The following SBNO2 variants were observed in gnomAD, a reference collection of about 807,000 sequenced individuals.
SBNO2 encodes the protein strawberry notch homolog 2.
In SBNO2, 89 loss-of-function variants were observed where a neutral mutation model predicts 146.3. That is an observed-to-expected ratio of 0.61 (90% CI 0.51 to 0.73). The LOEUF (loss-of-function observed/expected upper bound fraction) is 0.73, where lower values mean the gene tolerates loss of function less well. Among genes scored for constraint, SBNO2 ranks in the 30% least tolerant of loss-of-function variants. The pLI is 0.00. For synonymous variants in SBNO2, 1,147 were observed against 892.6 expected, an observed-to-expected ratio of 1.29 and a Z score of -5.08; for missense variants, 2,092 against 2,003.7, an observed-to-expected ratio of 1.04 and a Z score of -0.84.
intron 5 of SBNO2, among the ~76,000 whole-genome samples, chr19:1,127,004 C>A (rs955124277): frequency 1.3e-5 from 2 of 152,190 alleles, no homozygotes; most frequent in Non-Finnish European, 2.9e-5. Context: ...CAAACCCCAG[C>A]CCCTCAGCCC....
rs901414346 is a variant in SBNO2 at position 1,126,380 on chromosome 19, G to A, written c.441+1224C>T. Among the ~76,000 whole-genome samples, 5 of 152,168 alleles carry A rather than the reference G, an allele frequency of 3.3e-5. No homozygotes were observed. Among genetic ancestry groups the A allele is most frequent in the East Asian group, 1.9e-4 (1 of 5,176 alleles). On this transcript the variant is annotated intron_variant, in intron 5 of 31. Coordinates refer to ENST00000361757, the MANE Select transcript of SBNO2 (RefSeq NM_014963.3). This position sits in a 1 kb window ranked among gnomAD's most constrained non-coding sequence, Gnocchi z 4.4. Reference sequence around the variant, plus strand: ...CGGGCATTGGGTTTCAGATGCCCTCGTGCCGGCCACAGCAGGCCGGTCAGG... The same window carrying A: ...CGGGCATTGGGTTTCAGATGCCCTCATGCCGGCCACAGCAGGCCGGTCAGG...
rs1030632040 is a variant in SBNO2, at chr19:1,140,538, C to T, written c.279+6771G>A. On this transcript the variant is annotated intron_variant, in intron 4 of 31. Coordinates refer to ENST00000361757, the MANE Select transcript of SBNO2 (RefSeq NM_014963.3). The surrounding 1 kb of genome is among the most constrained non-coding windows in gnomAD (Gnocchi z 4.4). The stretch of plus-strand genomic sequence containing the variant: ...CGGGCAAGGCACACACGTGACACCG[C>T]GGGAGCCCCGCAGCCCACGGTGGAT... Among the ~76,000 whole-genome samples the T allele has an allele frequency of 1.2e-4, 18 of 151,880 alleles. No homozygotes were observed. The highest frequency in any genetic ancestry group is 4.2e-4 in the South Asian group (2 of 4,816).
intron 13 of SBNO2, 150 bp from the exon 14 acceptor site, chr19:1,119,314 G>C: frequency 9.2e-7 from 1 of 1,085,652 alleles, no homozygotes; most frequent in Non-Finnish European, 1.3e-6. Flanking sequence ...TGAGCCTGGC[G>C]GGGACGGGGC....
chr19:1,119,850 A>G, intron 12 of SBNO2, 56 bp downstream of exon 12: 1 of 1,355,028 alleles, frequency 7.4e-7, no homozygotes, highest in Non-Finnish European at 1.0e-6. Flanking sequence ...TCGCGGGGAC[A>G]GCCAGGCAGA....
Position 1,115,993 on chromosome 19 carries a change from G to A in SBNO2, c.1885+28C>T, listed in dbSNP as rs745770456. 3.2e-6 allele frequency: 5 copies of A among 1,568,796 alleles called. No individual in the cohort carries two copies. The African/African-American group carries it at 5.4e-5, about 17-fold the overall frequency. ...GGGGAGAAAGCAGAGGGGCAGGGGT[G>A]GGTGGGGCCATGGGGGGCAGGGCTT... On this transcript the variant is annotated intron_variant, in intron 17 of 31. Coordinates refer to ENST00000361757, the MANE Select transcript of SBNO2 (RefSeq NM_014963.3).
chr19:1,159,175 G>A (rs1009193697), intron 1 of SBNO2, among the ~76,000 whole-genome samples: 14 of 150,590 alleles, frequency 9.3e-5, no homozygotes, highest in Non-Finnish European at 1.6e-4. Flanking sequence ...CGCACAACTC[G>A]CATCCTAGGA....
intron 11 of SBNO2, 147 bp from the exon 12 acceptor site, chr19:1,120,170 G>C (rs2079883437): frequency 1.5e-6 from 1 of 645,536 alleles, no homozygotes; most frequent in Non-Finnish European, 2.7e-6. Flanking sequence ...AGGTCGGAGT[G>C]GCAGCCGGCT....
chr19:1,164,954 CAGG>C (rs1360014811), intron 1 of SBNO2, among the ~76,000 whole-genome samples: 2 of 49,778 alleles, frequency 4.0e-5, no homozygotes, highest in African/African-American at 8.1e-5. Flanking sequence ...GGAGGAGGAA[CAGG>C]AGGAGGAGGA....
At chr19:1,159,643 TG>T (rs1278356168) in intron 1 of SBNO2, among the ~76,000 whole-genome samples, 1 of 17,438 alleles carries the variant, frequency 5.7e-5, no homozygotes, top group Admixed American at 8.6e-4. Context: ...CGGGGGATGG[TG>T]GGGGGACAGC....
intron 3 of SBNO2, 83 bp downstream of exon 3, chr19:1,149,286 C>T (rs956037702): frequency 6.0e-6 from 8 of 1,330,348 alleles, no homozygotes; most frequent in Non-Finnish European, 8.4e-6. Flanking sequence ...GGCCCTCGCG[C>T]CCTGCACCCA....
Position 1,147,307 on chromosome 19 carries a change from A to G in SBNO2, c.279+2T>C. On this transcript the variant is annotated splice_donor_variant, in intron 4 of 31. Transcript: ENST00000361757. LOFTEE classifies it high-confidence loss of function. Reference sequence around the variant, plus strand: ...GGCGCGGTGAGCTCCTGGGGCTCCTACCTGAGCAAAGTCGCAGGTCTTTGG... The same window carrying G: ...GGCGCGGTGAGCTCCTGGGGCTCCTGCCTGAGCAAAGTCGCAGGTCTTTGG... 6.3e-7 allele frequency: 1 copy of G among 1,576,076 alleles called. No homozygotes were observed. Among genetic ancestry groups the G allele is most frequent in the Non-Finnish European group, 8.6e-7 (1 of 1,161,848 alleles).
chr19:1,170,369 G>A (rs2080465886), intron 1 of SBNO2, among the ~76,000 whole-genome samples: 1 of 152,200 alleles, frequency 6.6e-6, no homozygotes, highest in Non-Finnish European at 1.5e-5. Flanking sequence ...CGAGGGTGCA[G>A]GTGCCGGCCA....
Position 1,117,337 on chromosome 19 carries a change from G to T in SBNO2, c.1690C>A (p.Leu564Met). The T allele has an allele frequency of 1.3e-6, 2 of 1,571,682 alleles. No homozygotes were observed. The highest frequency in any genetic ancestry group is 1.7e-6 in the Non-Finnish European group (2 of 1,159,866). Reference protein sequence around the residue: ...RRLVELAREELARDKCVVIGL... With the variant: ...RRLVELAREEMARDKCVVIGL... ...CAGCCGCTCACCTTGTCTCGCGCCA[G>T]CTCCTCTCGGGCCAGCTCCACCAGC... is the stretch of plus-strand genomic sequence containing the variant. The change falls in exon 15 of 32, where the codon CTG becomes ATG. Residue 564 changes from leucine to methionine, a missense_variant. Leu to Met is a conservative substitution (Grantham distance 15). Transcript: ENST00000361757.
Position 1,136,080 on chromosome 19 carries a change from A to C in SBNO2, c.280-8315T>G, listed in dbSNP as rs1165066530. On this transcript the variant is annotated intron_variant, in intron 4 of 31. Transcript: ENST00000361757. The surrounding 1 kb of genome is among the most constrained non-coding windows in gnomAD (Gnocchi z 4.2). ...TGTGCCTGGTGTCCTCATTCGAAGGAGACACAGTCCCGGGGAGGAGGCCAC... is the reference window on the plus strand; with the variant it reads ...TGTGCCTGGTGTCCTCATTCGAAGGCGACACAGTCCCGGGGAGGAGGCCAC... Among the ~76,000 whole-genome samples, 1 of 151,806 alleles carries C rather than the reference A, an allele frequency of 6.6e-6. No homozygotes were observed. Among genetic ancestry groups the C allele is most frequent in the Non-Finnish European group, 1.5e-5 (1 of 67,972 alleles).
At chr19:1,113,029 T>A in intron 19 of SBNO2, 80 bp from the exon 20 acceptor site, 1 of 1,468,928 alleles carries the variant, frequency 6.8e-7, no homozygotes, top group Non-Finnish European at 9.1e-7. Flanking sequence ...TCAGCTTCCC[T>A]ATGTCCTACA....
intron 1 of SBNO2, among the ~76,000 whole-genome samples, chr19:1,162,736 C>G (rs947982070): frequency 6.6e-6 from 1 of 152,232 alleles, no homozygotes; most frequent in Non-Finnish European, 1.5e-5. Context: ...AGCCCCTCAT[C>G]TGACACACAG....
rs560907813 is a variant in SBNO2 at position 1,112,246 on chromosome 19, C to T, written c.2571G>A (p.Ser857=). 39 of 1,592,836 alleles carry T rather than the reference C, an allele frequency of 2.4e-5. No individual in the cohort carries two copies. Among genetic ancestry groups the T allele is most frequent in the East Asian group, 2.0e-4 (9 of 43,990 alleles). The change falls in exon 22 of 32, where the codon TCG becomes TCA. Residue 857 remains serine, a synonymous_variant. Transcript: ENST00000361757. The surrounding 1 kb of genome is among the most constrained non-coding windows in gnomAD (Gnocchi z 5.9). ...CGAACCGGCGCTCCCCGGCCAGCTC[C>T]GAGATGAGGAAGACATACTCTGGCG... ...VSAPEYVFLI[S]ELAGERRFAS...
At chr19:1,147,638 C>T (rs1720083994) in intron 3 of SBNO2, among the ~76,000 whole-genome samples, 3 of 152,062 alleles carry the variant, frequency 2.0e-5, no homozygotes, top group African/African-American at 7.2e-5. Flanking sequence ...CTGGACACAG[C>T]CCGGCAGAGC....
rs559278372 is a variant in SBNO2 at position 1,108,473 on chromosome 19, T to C, written c.3848A>G (p.Asp1283Gly). ...HFSFPAPLSL[D>G]AGPGVVPLGT... is the part of the protein sequence containing the mutation. ...CAGCGGCACGACGCCGGGGCCGGCG[T>C]CCAGGGACAGCGGCGCCGGGAAAGA... The change falls in exon 32 of 32, where the codon GAC (aspartate) becomes GGC (glycine). Residue 1283 changes from aspartate (D) to glycine (G), a missense_variant. Transcript: ENST00000361757. 1.1e-4 allele frequency: 135 copies of C among 1,222,378 alleles called. No individual in the cohort carries two copies. In the East Asian group the frequency reaches 3.7e-3, roughly 33 times the overall value. The allele number at this position is 1,222,378 out of a possible 1,614,324, so 75.7% of individuals were successfully genotyped here.
Sources: gnomAD v4.1 joint callset for allele counts (sites outside exome capture counted in the v4.1 genomes callset) on GRCh38, gnomAD v4.1.1 for gene constraint, Gnocchi (gnomAD v3.1) non-coding constraint, MANE v1.5 for transcripts, NCBI Gene and HGNC (gene_info 2026-07-23, HGNC 2026-07-21) for gene names.